The following MEIS1 variants were observed in gnomAD, a reference collection of about 807,000 sequenced individuals.
MEIS1 encodes homeobox protein Meis1.
A neutral mutation model predicts 50.8 loss-of-function variants in MEIS1; 5 were observed. The observed-to-expected ratio is 0.10, with a 90% CI of 0.05 to 0.21. MEIS1 has a LOEUF of 0.21. Among genes scored for constraint, MEIS1 ranks in the 10% least tolerant of loss-of-function variants. The probability of loss-of-function intolerance (pLI) is 1.00; values close to 1 mark genes in which losing one functional copy is unlikely to be tolerated. For synonymous variants in MEIS1, 176 were observed against 179.3 expected (o/e 0.98, Z 0.15); for missense variants, 318 against 517.3 (o/e 0.61, Z 3.74).
chr2:66,553,447 A>T (rs1225711393), intron 9 of MEIS1, among the ~76,000 whole-genome samples: 1 of 152,218 alleles, frequency 6.6e-6, no homozygotes, highest in African/African-American at 2.4e-5. Flanking sequence ...GGCTTAGATT[A>T]TAGCAATCAG....
chr2:66,555,065 A>G (rs955305597), intron 9 of MEIS1, among the ~76,000 whole-genome samples: 2 of 152,184 alleles, frequency 1.3e-5, no homozygotes, highest in South Asian at 4.1e-4. Flanking sequence ...CAGGCATTCA[A>G]TCTTTTTCTC....
At chr2:66,543,742 T>C (rs1282883695) in intron 8 of MEIS1, among the ~76,000 whole-genome samples, 1 of 152,256 alleles carries the variant, frequency 6.6e-6, no homozygotes, top group Non-Finnish European at 1.5e-5. Flanking sequence ...TCTCTTAATG[T>C]GTTGCAGTTC....
At chr2:66,539,337 T>C (rs1042763313) in intron 8 of MEIS1, among the ~76,000 whole-genome samples, 2 of 152,140 alleles carry the variant, frequency 1.3e-5, no homozygotes, top group African/African-American at 4.8e-5. Flanking sequence ...GTTGTAGAAA[T>C]AAAAGGTACA....
At chr2:66,438,940 C>T (rs1671872063) in intron 2 of MEIS1, 1 of 152,084 alleles carries the variant, frequency 6.6e-6, no homozygotes, top group African/African-American at 2.4e-5. Context: ...GTGGTTTAGG[C>T]TCTGGGACAG....
At chr2:66,447,445 A>G (rs1019114070) in intron 6 of MEIS1, among the ~76,000 whole-genome samples, 12 of 152,336 alleles carry the variant, frequency 7.9e-5, no homozygotes, top group South Asian at 2.1e-4. Context: ...TCCTTTTAAA[A>G]TATATGTCAA....
intron 8 of MEIS1, among the ~76,000 whole-genome samples, chr2:66,541,120 C>T (rs1057233923): frequency 1.1e-4 from 17 of 151,932 alleles, no homozygotes; most frequent in Non-Finnish European, 1.9e-4. Context: ...TCATTGCAAG[C>T]TCTGCCTCCC....
chr2:66,510,489 G>C (rs1673801491), intron 7 of MEIS1, among the ~76,000 whole-genome samples: 1 of 152,104 alleles, frequency 6.6e-6, no homozygotes, highest in Admixed American at 6.5e-5. Flanking sequence ...ATATGTTTCT[G>C]TTAAACTTTT....
chr2:66,544,212 G>GT (rs1040541167), intron 8 of MEIS1, among the ~76,000 whole-genome samples: 7 of 150,670 alleles, frequency 4.6e-5, no homozygotes, highest in Non-Finnish European at 5.9e-5. Context: ...GGCTTTCAAT[G>GT]TTTTTTTTTC....
chr2:66,436,359 T>C (rs2103668115), intron 1 of MEIS1, among the ~76,000 whole-genome samples: 1 of 152,342 alleles, frequency 6.6e-6, no homozygotes, highest in Middle Eastern at 3.4e-3. Flanking sequence ...TTTATAGTAA[T>C]TTCAATTTGT....
intron 8 of MEIS1, among the ~76,000 whole-genome samples, chr2:66,525,638 G>A (rs1054597192): frequency 6.6e-5 from 10 of 152,210 alleles, no homozygotes; most frequent in African/African-American, 2.2e-4. Context: ...GATCCCTCAA[G>A]TACTCTGAAA....
intron 7 of MEIS1, among the ~76,000 whole-genome samples, chr2:66,474,424 C>T (rs1672841807): frequency 6.6e-6 from 1 of 152,072 alleles, no homozygotes. Flanking sequence ...TTCTACCTGC[C>T]CTGGGCTGTG....
intron 2 of MEIS1, chr2:66,439,576 T>C: frequency 6.6e-7 from 1 of 1,525,678 alleles, no homozygotes; most frequent in Non-Finnish European, 8.8e-7. Flanking sequence ...TCGTAGCAAA[T>C]GTTGCCAATT....
chr2:66,569,172 C>T, intron 12 of MEIS1, 27 bp downstream of exon 12: 1 of 1,571,818 alleles, frequency 6.4e-7, no homozygotes, highest in Non-Finnish European at 8.7e-7. Context: ...TCTTTGTTTT[C>T]ACTTTGTCCT....
chr2:66,450,407 C>T (rs570923831), intron 6 of MEIS1, among the ~76,000 whole-genome samples: 2 of 152,082 alleles, frequency 1.3e-5, no homozygotes, highest in African/African-American at 2.4e-5. Flanking sequence ...GAGGAGCTGC[C>T]AGCTTGGGCA....
intron 7 of MEIS1, among the ~76,000 whole-genome samples, chr2:66,467,038 C>G (rs1470405811): frequency 6.6e-6 from 1 of 151,942 alleles, no homozygotes; most frequent in East Asian, 1.9e-4. Flanking sequence ...ACCTTATCTG[C>G]TACACAGTGG....
intron 6 of MEIS1, among the ~76,000 whole-genome samples, chr2:66,461,087 A>C (rs968355304): frequency 3.3e-5 from 5 of 152,172 alleles, no homozygotes; most frequent in South Asian, 2.1e-4. Context: ...ACCATGACTA[A>C]GGTTTTTTAT....
intron 8 of MEIS1, among the ~76,000 whole-genome samples, chr2:66,547,200 C>T (rs1324192224): frequency 1.3e-5 from 2 of 152,176 alleles, no homozygotes; most frequent in Non-Finnish European, 1.5e-5. Context: ...GAATTCCAAA[C>T]GTTCTTACAG....
rs570767916 is a variant in MEIS1 at position 66,524,040 on chromosome 2, A to G, written c.888+11746A>G. ...CAAATGTACTTGCATGTCAGAGACC[A>G]AAATTTGCTCTTATGATCGAAATAA... On this transcript the variant is annotated intron_variant, in intron 8 of 12. Coordinates refer to ENST00000272369, the MANE Select transcript of MEIS1 (RefSeq NM_002398.3). 9.1e-4 allele frequency among the ~76,000 whole-genome samples: 138 copies of G among 152,366 alleles called. 1 individual carries two copies. Among genetic ancestry groups the G allele is most frequent in the African/African-American group, 2.8e-3 (115 of 41,592 alleles).
At chr2:66,543,182 A>G (rs957797403) in intron 8 of MEIS1, among the ~76,000 whole-genome samples, 2 of 152,154 alleles carry the variant, frequency 1.3e-5, no homozygotes, top group African/African-American at 2.4e-5. Flanking sequence ...TAACTTTTAC[A>G]TAAGCTATTT....
Sources: allele counts gnomAD v4.1 joint callset (sites outside exome capture counted in the v4.1 genomes callset), GRCh38; gene constraint gnomAD v4.1.1; transcripts MANE v1.5; gene names NCBI Gene and HGNC (gene_info 2026-07-23, HGNC 2026-07-21).